Variants in REV3L observed in about 807,000 individuals in gnomAD.
REV3L encodes DNA polymerase zeta catalytic subunit.
A neutral mutation model predicts 299.4 loss-of-function variants in REV3L; 69 were observed. The observed-to-expected ratio is 0.23, with a 90% CI of 0.19 to 0.28. The LOEUF is 0.28. REV3L is among the 10% of genes least tolerant of loss of function. REV3L has a pLI of 1.00. For synonymous variants in REV3L, 1,238 were observed against 1,271.4 expected, an observed-to-expected ratio of 0.97 and a Z score of 0.56; for missense variants, 3,128 against 3,693.8, an observed-to-expected ratio of 0.85 and a Z score of 3.97.
chr6:111,369,774 GA>G (rs1412900899), intron 13 of REV3L, among the ~76,000 whole-genome samples: 2 of 151,442 alleles, frequency 1.3e-5, no homozygotes, highest in Non-Finnish European at 2.9e-5. Context: ...TTACTACATG[GA>G]AAAATGATGT....
chr6:111,450,693 G>T (rs1236999199), intron 1 of REV3L, among the ~76,000 whole-genome samples: 1 of 151,878 alleles, frequency 6.6e-6, no homozygotes, highest in Non-Finnish European at 1.5e-5. Flanking sequence ...TGGAGAGGAA[G>T]AAAGTAATGA....
chr6:111,301,818 G>A (rs1771579503), intron 31 of REV3L, among the ~76,000 whole-genome samples: 1 of 151,604 alleles, frequency 6.6e-6, no homozygotes, highest in South Asian at 2.1e-4. Context: ...TGCATATATA[G>A]TTAAAAAAAA....
At chr6:111,465,745 CAA>C (rs376561912) in intron 1 of REV3L, among the ~76,000 whole-genome samples, 7 of 76,850 alleles carry the variant, frequency 9.1e-5, no homozygotes, top group Non-Finnish European at 1.4e-4. Flanking sequence ...AAACAAAAAC[CAA>C]AAAAAAAAAA....
chr6:111,411,681 A>G, intron 2 of REV3L, 127 bp from the exon 3 acceptor site: 1 of 636,824 alleles, frequency 1.6e-6, no homozygotes, highest in Non-Finnish European at 2.6e-6. Context: ...CACCCCCCAA[A>G]AAACAACTAA....
At chr6:111,413,455 T>G (rs1784454082) in intron 2 of REV3L, among the ~76,000 whole-genome samples, 1 of 152,112 alleles carries the variant, frequency 6.6e-6, no homozygotes, top group Admixed American at 6.6e-5. Flanking sequence ...TTATAGAAGA[T>G]TCTCTAAAAT....
At chr6:111,321,302 AG>A (rs1160198890) in intron 26 of REV3L, among the ~76,000 whole-genome samples, 1 of 152,210 alleles carries the variant, frequency 6.6e-6, no homozygotes, top group Non-Finnish European at 1.5e-5. Context: ...CAGATCTTAA[AG>A]GGTAAATAAT....
Position 111,337,813 on chromosome 6 carries a change from A to G in REV3L, c.7539-2203T>C, listed in dbSNP as rs9481145. 3.5e-3 allele frequency among the ~76,000 whole-genome samples: 534 copies of G among 152,326 alleles called. 3 individuals are homozygous for G. Among genetic ancestry groups the G allele is most frequent in the African/African-American group, 0.012 (516 of 41,582 alleles). On this transcript the variant is annotated intron_variant, in intron 21 of 31. Coordinates refer to ENST00000368802, the MANE Select transcript of REV3L (RefSeq NM_001372078.1). ...AATCTGAAATAATGCATTATGTACA[A>G]ATCAGATCAGTCCCTTTAAAATAGA...
intron 2 of REV3L, among the ~76,000 whole-genome samples, chr6:111,412,922 C>T (rs903353904): frequency 8.5e-5 from 13 of 152,072 alleles, no homozygotes; most frequent in Non-Finnish European, 1.3e-4. Flanking sequence ...TGGAAAGCTC[C>T]GCTCTGGACT....
At chr6:111,339,574 G>C (rs1776273178) in intron 21 of REV3L, among the ~76,000 whole-genome samples, 1 of 151,958 alleles carries the variant, frequency 6.6e-6, no homozygotes, top group Admixed American at 6.6e-5. Context: ...CAAATTAGAT[G>C]CATCTTATCT....
At chr6:111,475,002 C>T (rs1388375163) in intron 1 of REV3L, among the ~76,000 whole-genome samples, 24 of 151,758 alleles carry the variant, frequency 1.6e-4, no homozygotes, top group African/African-American at 2.9e-4. Flanking sequence ...CACACACACA[C>T]ACACACACAC....
At chr6:111,467,482 T>C (rs1791646346) in intron 1 of REV3L, among the ~76,000 whole-genome samples, 1 of 152,252 alleles carries the variant, frequency 6.6e-6, no homozygotes, top group Non-Finnish European at 1.5e-5. Flanking sequence ...AGGTTAAGGT[T>C]GGCTGAACAG....
intron 1 of REV3L, among the ~76,000 whole-genome samples, chr6:111,419,860 T>C (rs1173502338): frequency 6.6e-6 from 1 of 152,224 alleles, no homozygotes; most frequent in Non-Finnish European, 1.5e-5. Context: ...CTTTTTTTTT[T>C]TTGAGATGGA....
At chr6:111,335,647 A>G (rs778542380) in intron 21 of REV3L, 37 bp from the exon 22 acceptor site, 1 of 1,580,792 alleles carries the variant, frequency 6.3e-7, no homozygotes. Flanking sequence ...ACATCAGGGA[A>G]AAATTTGGAC....
intron 1 of REV3L, among the ~76,000 whole-genome samples, chr6:111,461,681 C>T (rs1289371870): frequency 6.6e-6 from 1 of 151,810 alleles, no homozygotes; most frequent in Non-Finnish European, 1.5e-5. Context: ...GGTCCTAATA[C>T]TACATATAAA....
chr6:111,313,269 G>C, intron 28 of REV3L, 83 bp downstream of exon 28: 1 of 1,239,164 alleles, frequency 8.1e-7, no homozygotes, highest in Non-Finnish European at 1.1e-6. Flanking sequence ...TCACCTAGAT[G>C]CATGTTTAAG....
chr6:111,359,169 C>T (rs929866955), intron 16 of REV3L, among the ~76,000 whole-genome samples, 155 bp from the exon 17 acceptor site: 9 of 152,022 alleles, frequency 5.9e-5, no homozygotes, highest in South Asian at 2.1e-4. Context: ...TATATTAAAA[C>T]GAAAGATTTT....
chr6:111,448,853 A>T (rs1789171873), intron 1 of REV3L, among the ~76,000 whole-genome samples: 1 of 142,146 alleles, frequency 7.0e-6, no homozygotes, highest in African/African-American at 2.6e-5. Context: ...CTGGTCTCTA[A>T]CTCCTGCTTG....
rs1232774832 is a variant in REV3L, at chr6:111,392,980, T to C, written c.566-8A>G. On this transcript the variant is annotated splice_polypyrimidine_tract_variant and splice_region_variant and intron_variant, in intron 4 of 31. Coordinates refer to ENST00000368802, the MANE Select transcript of REV3L (RefSeq NM_001372078.1). ...TTGCATGCAATGTATTACCTAGGAATAGAAAGGTAAAAGGAATAAATTCTA... is the reference window on the plus strand; with the variant it reads ...TTGCATGCAATGTATTACCTAGGAACAGAAAGGTAAAAGGAATAAATTCTA... 14 of 1,547,100 alleles carry C rather than the reference T, an allele frequency of 9.0e-6. No homozygotes were observed. Among genetic ancestry groups the C allele is most frequent in the African/African-American group, 2.7e-5 (2 of 73,686 alleles).
At chr6:111,381,514 T>C (rs1780827338) in intron 9 of REV3L, 70 bp from the exon 10 acceptor site, 2 of 1,387,082 alleles carry the variant, frequency 1.4e-6, no homozygotes, top group South Asian at 1.3e-5. Context: ...TTAGAATTTG[T>C]GTAAATTTGG....
Sources: gnomAD v4.1 joint callset for allele counts (sites outside exome capture counted in the v4.1 genomes callset) on GRCh38, gnomAD v4.1.1 for gene constraint, MANE v1.5 for transcripts, NCBI Gene and HGNC (gene_info 2026-07-23, HGNC 2026-07-21) for gene names.